Variants in ZNF638 observed in about 807,000 individuals in gnomAD.
ZNF638 encodes zinc finger protein 638, also known as CTCL tumor antigen se33-1.
Under a neutral mutation model 195.6 loss-of-function variants are expected in ZNF638, and 46 were observed. That is an observed-to-expected ratio of 0.24 (90% CI 0.19 to 0.30). ZNF638 has a LOEUF of 0.30. Ranked by LOEUF, ZNF638 falls within the 10% of genes least tolerant of loss-of-function variation. The pLI is 1.00. For missense variants in ZNF638, 2,440 were observed against 2,325.3 expected (o/e 1.05, Z -1.01); for synonymous variants, 845 against 772.0 (o/e 1.09, Z -1.57).
intron 15 of ZNF638, among the ~76,000 whole-genome samples, chr2:71,401,399 A>G (rs2080002552): frequency 6.6e-6 from 1 of 152,134 alleles, no homozygotes; most frequent in Non-Finnish European, 1.5e-5. Flanking sequence ...GATTCTCAGG[A>G]GCTTTTTTAT....
In ZNF638 at chr2:71,392,886, T is replaced by C. The variant is rs145887948; in HGVS notation, c.2378-3255T>C. On this transcript the variant is annotated intron_variant, in intron 10 of 27. Coordinates refer to ENST00000264447, the MANE Select transcript of ZNF638 (RefSeq NM_014497.5). The stretch of plus-strand genomic sequence containing the variant: ...TCCCTAAATTTGGAATACTAAGATA[T>C]GTACATGTATCCATTGATACCAGTT... Among the ~76,000 whole-genome samples, 4 of 152,314 alleles carry C rather than the reference T, an allele frequency of 2.6e-5. No homozygotes were observed. In the East Asian group the frequency reaches 5.8e-4, roughly 22 times the overall value.
At position 71,422,956 on chromosome 2, in the gene ZNF638, G is replaced by A. The variant is rs1376224322; in HGVS notation, c.3442G>A (p.Glu1148Lys). The A allele has an allele frequency of 1.9e-6, 3 of 1,614,132 alleles. No homozygotes were observed. The highest frequency in any genetic ancestry group is 2.2e-5 in the South Asian group (2 of 91,086). Residue 1148 changes from glutamate (E) to lysine (K), a missense_variant, in exon 22 of 28, where the codon GAG becomes AAG. Around this residue, in one of 5 missense-constraint regions of ZNF638, gnomAD observed 1,883 missense variants for 1,739.1 expected, o/e 1.08. Transcript: ENST00000264447. ...TTTGGTACAGCAGGAAGAGCCTTGT[G>A]AGGAAGAAGCTGAAAAAGCAACATG... is the stretch of plus-strand genomic sequence containing the variant. ...ETLVQQEEPC[E>K]EEAEKATCDS...
At chr2:71,371,470 A>G (rs960348662) in intron 8 of ZNF638, among the ~76,000 whole-genome samples, 4 of 152,106 alleles carry the variant, frequency 2.6e-5, no homozygotes, top group Admixed American at 6.5e-5. Flanking sequence ...CCAACAATAT[A>G]CTGAGGGTTC....
At chr2:71,340,479 C>T (rs2078745224) in intron 1 of ZNF638, among the ~76,000 whole-genome samples, 1 of 152,186 alleles carries the variant, frequency 6.6e-6, no homozygotes, top group Non-Finnish European at 1.5e-5. Context: ...TCAGCCTCTT[C>T]TATTAACTAC....
chr2:71,388,397 G>T, intron 10 of ZNF638: 1 of 653,950 alleles, frequency 1.5e-6, no homozygotes, highest in South Asian at 1.5e-5. Flanking sequence ...TCTGACCTTT[G>T]ATCATCCGCG....
At chr2:71,417,450 G>T (rs573921867) in intron 20 of ZNF638, among the ~76,000 whole-genome samples, 1 of 152,100 alleles carries the variant, frequency 6.6e-6, no homozygotes, top group Non-Finnish European at 1.5e-5. Flanking sequence ...CGTCGCTCAC[G>T]CTGGGAGCTG....
intron 10 of ZNF638, among the ~76,000 whole-genome samples, chr2:71,389,190 C>T (rs1175997515): frequency 6.6e-6 from 1 of 152,056 alleles, no homozygotes; most frequent in Non-Finnish European, 1.5e-5. Flanking sequence ...TTTCCCTGAG[C>T]CCCCTCCCCC....
chr2:71,337,159 T>C (rs1244907724), intron 1 of ZNF638, among the ~76,000 whole-genome samples: 1 of 151,878 alleles, frequency 6.6e-6, no homozygotes, highest in Non-Finnish European at 1.5e-5. Context: ...TTTTTGACTT[T>C]GTATAAAGTA....
intron 18 of ZNF638, 114 bp downstream of exon 18, chr2:71,405,756 G>C (rs1158172600): frequency 1.3e-6 from 1 of 760,574 alleles, no homozygotes; most frequent in Non-Finnish European, 2.1e-6. Flanking sequence ...ATATTGAGGT[G>C]ATGGAGATGT....
At chr2:71,336,372 CAAAAAAAAAAAAAAAA>C (rs66593443) in intron 1 of ZNF638, among the ~76,000 whole-genome samples, 9 of 105,540 alleles carry the variant, frequency 8.5e-5, no homozygotes, top group African/African-American at 2.8e-4. Context: ...ATTCCATCTC[CAAAAAAAAAAAAAAAA>C]AAAAAAAAAA....
intron 8 of ZNF638, chr2:71,375,510 T>A (rs1251708616): frequency 6.6e-6 from 1 of 152,172 alleles, no homozygotes; most frequent in Admixed American, 6.6e-5. Flanking sequence ...TTTTGTTTTC[T>A]TTTCTGGAAA....
intron 2 of ZNF638, among the ~76,000 whole-genome samples, chr2:71,351,356 T>C (rs2078937400): frequency 6.6e-6 from 1 of 152,222 alleles, no homozygotes; most frequent in Non-Finnish European, 1.5e-5. Context: ...AAAGCAGCAT[T>C]CTACCCCATT....
chr2:71,376,741 T>C (rs2079434484), intron 8 of ZNF638, among the ~76,000 whole-genome samples: 1 of 152,176 alleles, frequency 6.6e-6, no homozygotes, highest in African/African-American at 2.4e-5. Flanking sequence ...TATCCCTATG[T>C]TAATATGGAT....
At chr2:71,430,245 G>C (rs186948522) in intron 25 of ZNF638, among the ~76,000 whole-genome samples, 113 of 152,062 alleles carry the variant, frequency 7.4e-4, no homozygotes, top group Middle Eastern at 3.4e-3. Flanking sequence ...AGATAAATGT[G>C]CCTTTGGAGT....
chr2:71,399,945 C>G (rs1320689367), intron 13 of ZNF638, among the ~76,000 whole-genome samples, 167 bp from the exon 14 acceptor site: 1 of 152,078 alleles, frequency 6.6e-6, no homozygotes, highest in African/African-American at 2.4e-5. Context: ...TAAAAATTAT[C>G]AAAGTGGGGA....
Position 71,425,149 on chromosome 2 carries a change from A to G in ZNF638, c.4590+434A>G, listed in dbSNP as rs79028912. Among the ~76,000 whole-genome samples, 1,020 of 152,242 alleles carry G rather than the reference A, an allele frequency of 6.7e-3. 6 individuals are homozygous for G. Among genetic ancestry groups the G allele is most frequent in the Non-Finnish European group, 0.011 (756 of 68,004 alleles). On this transcript the variant is annotated intron_variant, in intron 23 of 27. Coordinates refer to ENST00000264447, the MANE Select transcript of ZNF638 (RefSeq NM_014497.5). ...GTGGATGGTCTCTAAGATTAACTTT[A>G]CTGGTACCAAGTTCTGTTGTCAAAC... is the stretch of plus-strand genomic sequence containing the variant.
rs2080501057 is a variant in ZNF638, at chr2:71,424,673, G to A, written c.4548G>A (p.Lys1516=). Residue 1516 remains lysine, a synonymous_variant, in exon 23 of 28, where the codon AAG becomes AAA. Coordinates refer to ENST00000264447, the MANE Select transcript of ZNF638 (RefSeq NM_014497.5). ...AGACTTTGGCTGAGCAAAACACTAA[G>A]AATCCTAAAAGCACTACTGGTAGAA... ...NNKTLAEQNT[K]NPKSTTGRSS... 2 of 1,612,786 alleles carry A rather than the reference G, an allele frequency of 1.2e-6. No individual in the cohort carries two copies. Among genetic ancestry groups the A allele is most frequent in the Non-Finnish European group, 1.7e-6 (2 of 1,179,570 alleles).
At position 71,434,888 on chromosome 2, in the gene ZNF638, A is replaced by G. The variant is rs374016644; in HGVS notation, c.*81A>G. ...TATTTTTGTTATCATTTAATTTGTA[A>G]TTTTCGTTTCAGAAGCAAATATTCG... On this transcript the variant is annotated 3_prime_UTR_variant, in exon 28 of 28. Coordinates refer to ENST00000264447, the MANE Select transcript of ZNF638 (RefSeq NM_014497.5). 41 of 1,316,600 alleles carry G rather than the reference A, an allele frequency of 3.1e-5. No homozygotes were observed. Among genetic ancestry groups the G allele is most frequent in the Non-Finnish European group, 3.9e-5 (37 of 960,012 alleles). The allele number at this position is 1,316,600 out of a possible 1,614,324, so 81.6% of individuals were successfully genotyped here. A position where few individuals can be genotyped will look rare whatever the true frequency, so the allele number is the denominator to read the frequency against.
At chr2:71,401,738 G>A (rs185215916) in intron 15 of ZNF638, among the ~76,000 whole-genome samples, 20 of 151,946 alleles carry the variant, frequency 1.3e-4, no homozygotes, top group Admixed American at 1.3e-3. Context: ...ATGACAGATG[G>A]TATAACTACA....
Sources: allele counts gnomAD v4.1 joint callset (sites outside exome capture counted in the v4.1 genomes callset), GRCh38; gene constraint gnomAD v4.1.1; regional missense constraint gnomAD v4.1.1; transcripts MANE v1.5; gene names NCBI Gene and HGNC (gene_info 2026-07-23, HGNC 2026-07-21).